The following RBM26 variants were observed in gnomAD, a reference collection of about 807,000 sequenced individuals.
RBM26 encodes RNA binding motif protein 26.
RBM26 carries 30 observed loss-of-function variants against 123.6 expected under a neutral mutation model. The observed-to-expected ratio is 0.24, with a 90% CI of 0.18 to 0.33. RBM26 has a LOEUF of 0.33. RBM26 is among the 10% of genes least tolerant of loss of function. The probability of loss-of-function intolerance (pLI) is 1.00; values close to 1 mark genes in which losing one functional copy is unlikely to be tolerated. For synonymous variants in RBM26, 400 were observed against 404.4 expected (o/e 0.99, Z 0.13); for missense variants, 947 against 1,203.6 (o/e 0.79, Z 3.15).
chr13:79,338,072 A>G (rs2070744968), intron 18 of RBM26, among the ~76,000 whole-genome samples: 1 of 152,134 alleles, frequency 6.6e-6, no homozygotes, highest in African/African-American at 2.4e-5. Context: ...ACTGAAAATT[A>G]GCCAGGCGTA....
intron 17 of RBM26, 22 bp downstream of exon 17, chr13:79,342,642 G>C: frequency 7.0e-7 from 1 of 1,433,876 alleles, no homozygotes; most frequent in African/African-American, 2.4e-5. Flanking sequence ...GTAATAATAT[G>C]AACAACAATG....
At chr13:79,341,293 T>G in intron 17 of RBM26, 66 bp from the exon 18 acceptor site, 2 of 1,027,928 alleles carry the variant, frequency 1.9e-6, no homozygotes, top group Non-Finnish European at 2.9e-6. Context: ...CAAACCTTTT[T>G]AAAGTAACTT....
At chr13:79,329,182 C>G (rs1268621603) in intron 20 of RBM26, among the ~76,000 whole-genome samples, 1 of 151,964 alleles carries the variant, frequency 6.6e-6, no homozygotes, top group African/African-American at 2.4e-5. Flanking sequence ...CTAGAATTAA[C>G]AAGTATCAGA....
intron 1 of RBM26, among the ~76,000 whole-genome samples, chr13:79,398,171 A>T (rs2140502790): frequency 6.6e-6 from 1 of 152,356 alleles, no homozygotes; most frequent in East Asian, 1.9e-4. Flanking sequence ...CATTTCTCTC[A>T]TTCATTCTTT....
chr13:79,368,007 CTTCAA>C (rs1206935191), intron 6 of RBM26, among the ~76,000 whole-genome samples: 3 of 146,324 alleles, frequency 2.1e-5, no homozygotes, highest in African/African-American at 5.1e-5. Flanking sequence ...CCTTAAAAGT[CTTCAA>C]TTCTTTTTAT....
intron 20 of RBM26, among the ~76,000 whole-genome samples, chr13:79,333,841 G>T (rs35672343): frequency 6.6e-6 from 1 of 152,128 alleles, no homozygotes; most frequent in Admixed American, 6.6e-5. Context: ...CCATGTCTTA[G>T]GCAAAAAGTC....
rs189856044 is a variant in RBM26 at position 79,361,265 on chromosome 13, A to G, written c.1418-1579T>C. 3.9e-4 allele frequency among the ~76,000 whole-genome samples: 60 copies of G among 152,264 alleles called. 1 individual carries two copies. The highest frequency in any genetic ancestry group is 1.4e-3 in the African/African-American group (58 of 41,576). ...GCCATACATACAGAGACTCAAATCAACGCTCTAGACTCCTGCTGCTTTCCT... is the reference window on the plus strand; with the variant it reads ...GCCATACATACAGAGACTCAAATCAGCGCTCTAGACTCCTGCTGCTTTCCT... On this transcript the variant is annotated intron_variant, in intron 9 of 21. Coordinates refer to ENST00000438737, the MANE Select transcript of RBM26 (RefSeq NM_001366735.2).
intron 1 of RBM26, among the ~76,000 whole-genome samples, chr13:79,391,869 T>C (rs2078025549): frequency 6.6e-6 from 1 of 150,882 alleles, no homozygotes; most frequent in Non-Finnish European, 1.5e-5. Flanking sequence ...ACCAACAATG[T>C]ATCAGAAAAA....
chr13:79,344,569 C>A, intron 15 of RBM26, 100 bp downstream of exon 15: 1 of 1,107,560 alleles, frequency 9.0e-7, no homozygotes, highest in South Asian at 1.5e-5. Flanking sequence ...CCAACAAACA[C>A]CCTTGTAGTC....
intron 11 of RBM26, among the ~76,000 whole-genome samples, chr13:79,357,743 A>G (rs2074198182): frequency 6.6e-6 from 1 of 152,182 alleles, no homozygotes; most frequent in African/African-American, 2.4e-5. Context: ...AGTGTGATTA[A>G]CTTTGCTGTA....
In RBM26 at chr13:79,319,970, T is replaced by TTTTTTC; in HGVS notation, c.*650_*651insGAAAAA. 2.2e-6 allele frequency: 1 copy of TTTTTTC among 457,406 alleles called. No individual in the cohort carries two copies. Among genetic ancestry groups the TTTTTTC allele is most frequent in the African/African-American group, 2.7e-5 (1 of 37,040 alleles). 28.3% of individuals were successfully genotyped at this position (457,406 alleles called of 1,614,324 possible). A position where few individuals can be genotyped will look rare whatever the true frequency, so the allele number is the denominator to read the frequency against. ...TTGGCTTTTTTTTTTTTTTTTTTTTTGTCATTGCTTTTCTCTTTTCTTTCC... is the reference window on the plus strand; with the variant it reads ...TTGGCTTTTTTTTTTTTTTTTTTTTTTTTTTCGTCATTGCTTTTCTCTTTTCTTTCC... On this transcript the variant is annotated 3_prime_UTR_variant, in exon 22 of 22. Transcript: ENST00000438737.
downstream of RBM26, among the ~76,000 whole-genome samples, chr13:79,318,000 C>G (rs539660381): frequency 1.4e-4 from 21 of 151,582 alleles, no homozygotes; most frequent in Admixed American, 4.0e-4. Flanking sequence ...GTCCACCTTC[C>G]TAGAGGAGCT....
chr13:79,315,951 G>T (rs2067103290), downstream of RBM26, among the ~76,000 whole-genome samples: 1 of 151,798 alleles, frequency 6.6e-6, no homozygotes, highest in Non-Finnish European at 1.5e-5. Context: ...CAACTAGCCA[G>T]TTCAAGAAGT....
At chr13:79,362,734 G>A (rs1036916184) in intron 9 of RBM26, among the ~76,000 whole-genome samples, 12 of 152,038 alleles carry the variant, frequency 7.9e-5, no homozygotes, top group African/African-American at 1.4e-4. Flanking sequence ...AATATGTTCC[G>A]TACCTGAAGG....
exon 5 of RBM26, chr13:79,313,825 A>T (rs1434138299): frequency 1.3e-5 from 2 of 151,436 alleles, no homozygotes; most frequent in Non-Finnish European, 3.0e-5. Context: ...GACAAATGCA[A>T]TGCATACTCA....
At chr13:79,345,437 T>A (rs1330438771) in intron 14 of RBM26, among the ~76,000 whole-genome samples, 4 of 152,056 alleles carry the variant, frequency 2.6e-5, no homozygotes, top group Admixed American at 1.3e-4. Context: ...TTAGTTAGTG[T>A]CAGCTATTTA....
intron 1 of RBM26, among the ~76,000 whole-genome samples, chr13:79,383,089 C>CTTT (rs60100183): frequency 1.8e-5 from 2 of 111,210 alleles, no homozygotes; most frequent in African/African-American, 7.7e-5. Context: ...TAGAGATAGG[C>CTTT]TTTTTTTTTT....
chr13:79,326,012 C>A (rs1272969227), intron 20 of RBM26, among the ~76,000 whole-genome samples: 1 of 152,148 alleles, frequency 6.6e-6, no homozygotes, highest in East Asian at 1.9e-4. Context: ...AGTTTCGTAG[C>A]CTAAGACCAA....
intron 19 of RBM26, among the ~76,000 whole-genome samples, chr13:79,335,790 T>C (rs183446016): frequency 6.6e-6 from 1 of 152,298 alleles, no homozygotes; most frequent in East Asian, 1.9e-4. Flanking sequence ...TGGATTATTT[T>C]AGCACATTCA....
Sources: allele counts gnomAD v4.1 joint callset (sites outside exome capture counted in the v4.1 genomes callset), GRCh38; gene constraint gnomAD v4.1.1; transcripts MANE v1.5; gene names NCBI Gene and HGNC (gene_info 2026-07-23, HGNC 2026-07-21).